Variants in ABTB2 observed in about 807,000 individuals in gnomAD.
The protein encoded by ABTB2 is ankyrin repeat and BTB/POZ domain-containing protein 2.
Under a neutral mutation model 104.1 loss-of-function variants are expected in ABTB2, and 56 were observed. The observed-to-expected ratio is 0.54, with a 90% CI of 0.43 to 0.67. The LOEUF is 0.67. Among genes scored for constraint, ABTB2 ranks in the 30% least tolerant of loss-of-function variants. The pLI is 0.00. For missense variants in ABTB2, 1,279 were observed against 1,407.7 expected, an observed-to-expected ratio of 0.91 and a Z score of 1.46; for synonymous variants, 606 against 608.2, an observed-to-expected ratio of 1.00 and a Z score of 0.05.
chr11:34,235,748 G>A (rs976844681), intron 1 of ABTB2, among the ~76,000 whole-genome samples: 3 of 152,136 alleles, frequency 2.0e-5, no homozygotes, highest in Admixed American at 6.6e-5. Flanking sequence ...GTGATCCATC[G>A]CTAATTGCAC....
chr11:34,272,334 G>C (rs889625201), intron 1 of ABTB2, among the ~76,000 whole-genome samples: 1 of 147,224 alleles, frequency 6.8e-6, no homozygotes, highest in Non-Finnish European at 1.5e-5. Flanking sequence ...ATACAGAAAG[G>C]TCCTGTGTAT....
intron 1 of ABTB2, among the ~76,000 whole-genome samples, chr11:34,293,118 A>G (rs1033325144): frequency 6.6e-6 from 1 of 152,266 alleles, no homozygotes; most frequent in East Asian, 1.9e-4. Context: ...GGCAGAGTTG[A>G]CAGGCTGGCT....
intron 1 of ABTB2, among the ~76,000 whole-genome samples, chr11:34,231,697 A>G (rs1853771290): frequency 6.6e-6 from 1 of 152,150 alleles, no homozygotes; most frequent in African/African-American, 2.4e-5. Context: ...CAGCCTCCCA[A>G]GTAGCTGGGA....
intron 1 of ABTB2, among the ~76,000 whole-genome samples, chr11:34,247,952 A>G (rs1854005027): frequency 6.6e-6 from 1 of 152,192 alleles, no homozygotes; most frequent in South Asian, 2.1e-4. Flanking sequence ...AGGCATGTAT[A>G]TGCTGTGTAT....
intron 1 of ABTB2, among the ~76,000 whole-genome samples, chr11:34,306,982 T>TAAAAAAAAAAAA (rs61161318): frequency 3.4e-4 from 32 of 94,328 alleles, no homozygotes; most frequent in Non-Finnish European, 5.1e-4. Flanking sequence ...TCAGGAAACT[T>TAAAAAAAAAAAA]AAAAAAAAAA....
chr11:34,307,792 G>A (rs1386300868), intron 1 of ABTB2, among the ~76,000 whole-genome samples: 1 of 151,778 alleles, frequency 6.6e-6, no homozygotes, highest in Non-Finnish European at 1.5e-5. Flanking sequence ...TCCGTCTCCC[G>A]GGTTTAAGCG....
intron 1 of ABTB2, among the ~76,000 whole-genome samples, chr11:34,285,037 G>A (rs1164061060): frequency 1.3e-5 from 2 of 152,202 alleles, no homozygotes; most frequent in Non-Finnish European, 2.9e-5. Flanking sequence ...ATCTGGTCAC[G>A]GTCAGTTGGA....
chr11:34,221,794 T>C (rs989546975), intron 1 of ABTB2, among the ~76,000 whole-genome samples: 3 of 152,240 alleles, frequency 2.0e-5, no homozygotes, highest in African/African-American at 7.2e-5. Flanking sequence ...ATCCCAGCAC[T>C]TTGGGAGGCC....
chr11:34,331,685 A>AC (rs1855132710), intron 1 of ABTB2, among the ~76,000 whole-genome samples: 1 of 152,234 alleles, frequency 6.6e-6, no homozygotes, highest in Non-Finnish European at 1.5e-5. Context: ...TTGATAAATG[A>AC]ATCTTCCCAT....
At chr11:34,334,296 T>A (rs1855167267) in intron 1 of ABTB2, among the ~76,000 whole-genome samples, 1 of 152,108 alleles carries the variant, frequency 6.6e-6, no homozygotes, top group Admixed American at 6.5e-5. Flanking sequence ...AACCTAAGAA[T>A]CCAGGCAACT....
chr11:34,346,465 A>G (rs1227062149), intron 1 of ABTB2, among the ~76,000 whole-genome samples: 1 of 152,190 alleles, frequency 6.6e-6, no homozygotes. Context: ...TTCTGGGGAA[A>G]GGGGCACAGG....
intron 3 of ABTB2, among the ~76,000 whole-genome samples, chr11:34,190,271 C>CT (rs1554981964): frequency 4.1e-5 from 4 of 98,754 alleles, no homozygotes; most frequent in Admixed American, 1.2e-4. Context: ...CGCTGCCCCC[C>CT]CAAAAAAAAA....
At chr11:34,325,930 G>C (rs892191765) in intron 1 of ABTB2, among the ~76,000 whole-genome samples, 2 of 134,296 alleles carry the variant, frequency 1.5e-5, no homozygotes, top group African/African-American at 3.0e-5. Flanking sequence ...CAGCCTGGGC[G>C]ACAGAGTGAG....
In ABTB2 at chr11:34,159,399, A is replaced by G. The variant is rs778179644; in HGVS notation, c.2607-13T>C. The G allele has an allele frequency of 1.9e-6, 3 of 1,598,070 alleles. No individual in the cohort carries two copies. The South Asian group carries it at 3.3e-5, about 18-fold the overall frequency. On this transcript the variant is annotated splice_polypyrimidine_tract_variant and intron_variant, in intron 13 of 16. Transcript: ENST00000435224. ...TAGTGTCTTGAACCTGGAGCAAAGGAGACAAAGCAAGGTGGGTTTTGAACC... is the reference window on the plus strand; with the variant it reads ...TAGTGTCTTGAACCTGGAGCAAAGGGGACAAAGCAAGGTGGGTTTTGAACC...
chr11:34,353,033 G>T (rs761574951), intron 1 of ABTB2, among the ~76,000 whole-genome samples: 1 of 152,204 alleles, frequency 6.6e-6, no homozygotes, highest in Non-Finnish European at 1.5e-5. Flanking sequence ...CTGCACTCCA[G>T]CCTGGGTGAT....
At chr11:34,218,946 C>G (rs953378617) in intron 1 of ABTB2, among the ~76,000 whole-genome samples, 1 of 150,672 alleles carries the variant, frequency 6.6e-6, no homozygotes, top group African/African-American at 2.4e-5. Context: ...TTTCTGGGCT[C>G]TCTATTCTGT....
chr11:34,254,061 A>T (rs1410189517), intron 1 of ABTB2, among the ~76,000 whole-genome samples: 1 of 152,112 alleles, frequency 6.6e-6, no homozygotes, highest in Non-Finnish European at 1.5e-5. Context: ...GACTTAAACG[A>T]CTTAAGTCAC....
intron 1 of ABTB2, among the ~76,000 whole-genome samples, chr11:34,346,564 G>A (rs536160603): frequency 7.4e-4 from 113 of 152,268 alleles, no homozygotes; most frequent in Non-Finnish European, 1.3e-3. Context: ...CAAAGAGCTC[G>A]TCCAGCACCA....
intron 1 of ABTB2, among the ~76,000 whole-genome samples, chr11:34,275,270 A>T (rs1364183953): frequency 1.4e-4 from 22 of 152,128 alleles, no homozygotes; most frequent in Admixed American, 1.4e-3. Context: ...TGTGCTGGGG[A>T]GTCTGAGTTA....
Sources: gnomAD v4.1 joint callset for allele counts (sites outside exome capture counted in the v4.1 genomes callset) on GRCh38, gnomAD v4.1.1 for gene constraint, MANE v1.5 for transcripts, NCBI Gene and HGNC (gene_info 2026-07-23, HGNC 2026-07-21) for gene names.